TRIM3: variants seen among roughly 807,000 people sequenced by gnomAD.
TRIM3 encodes tripartite motif-containing protein 3.
In TRIM3, 13 loss-of-function variants were observed where a neutral mutation model predicts 66.6. The observed-to-expected ratio is 0.20, with a 90% CI of 0.13 to 0.31. TRIM3 has a LOEUF of 0.31. TRIM3 is among the 10% of genes least tolerant of loss of function. The pLI, the probability that TRIM3 is intolerant of heterozygous loss-of-function variation, is 1.00. For missense variants in TRIM3, 711 were observed against 1,020.4 expected (o/e 0.70, Z 4.13); for synonymous variants, 406 against 411.7 (o/e 0.99, Z 0.17).
chr11:6,449,681 T>C lies in TRIM3; in HGVS notation c.1942-235A>G. 2 of 462,108 alleles carry C rather than the reference T, an allele frequency of 4.3e-6. No homozygotes were observed. Among genetic ancestry groups the C allele is most frequent in the South Asian group, 8.0e-5 (2 of 24,914 alleles). 28.6% of individuals were successfully genotyped at this position (462,108 alleles called of 1,614,324 possible). A position where few individuals can be genotyped will look rare whatever the true frequency, so the allele number is the denominator to read the frequency against. On this transcript the variant is annotated intron_variant, in intron 10 of 11. Coordinates refer to ENST00000345851, the MANE Select transcript of TRIM3 (RefSeq NM_033278.4). This position sits in a 1 kb window ranked among gnomAD's most constrained non-coding sequence, Gnocchi z 5.3. ...CTCATTTTCTTTGGGAAATCAGTTC[T>C]CTTAGTTCTCTATCTCAATGACTGG... is the stretch of plus-strand genomic sequence containing the variant.
chr11:6,463,656 T>C (rs1233618191), intron 2 of TRIM3, among the ~76,000 whole-genome samples: 1 of 152,172 alleles, frequency 6.6e-6, no homozygotes, highest in Non-Finnish European at 1.5e-5. Flanking sequence ...TAGATATCTA[T>C]ATTGTATCGA....
chr11:6,450,046 C>T lies in TRIM3; in HGVS notation c.1941+505G>A, dbSNP rs773363944. ...ACACAAGCCTCACTCTCAGCTTTCA[C>T]GGTCCCCTCCTCAAGCTGAGTCTGA... On this transcript the variant is annotated intron_variant, in intron 10 of 11. Transcript: ENST00000345851. This position sits in a 1 kb window ranked among gnomAD's most constrained non-coding sequence, Gnocchi z 4.8. 6 of 159,206 alleles carry T rather than the reference C, an allele frequency of 3.8e-5. No homozygotes were observed. Among genetic ancestry groups the T allele is most frequent in the South Asian group, 1.9e-4 (1 of 5,374 alleles). The allele number at this position is 159,206 out of a possible 1,614,324, so 9.9% of individuals were successfully genotyped here.
At chr11:6,462,115 G>A (rs543759736) in intron 2 of TRIM3, among the ~76,000 whole-genome samples, 1 of 152,222 alleles carries the variant, frequency 6.6e-6, no homozygotes, top group South Asian at 2.1e-4. Context: ...TCAGAACTCA[G>A]GTCAAATGTC....
chr11:6,450,813 G>T lies in TRIM3; in HGVS notation c.1870+79C>A, dbSNP rs1194166324. ...CCAGAGCCAAGATATAGGAGGAGAG[G>T]GCCTTTACAGCTGGGGTATCTAGGG... On this transcript the variant is annotated intron_variant, in intron 9 of 11. Coordinates refer to ENST00000345851, the MANE Select transcript of TRIM3 (RefSeq NM_033278.4). This position sits in a 1 kb window ranked among gnomAD's most constrained non-coding sequence, Gnocchi z 4.8. 4 of 1,564,620 alleles carry T rather than the reference G, an allele frequency of 2.6e-6. No homozygotes were observed. The highest frequency in any genetic ancestry group is 1.7e-5 in the Admixed American group (1 of 58,726).
At chr11:6,462,713 G>A (rs2134205415) in intron 2 of TRIM3, among the ~76,000 whole-genome samples, 1 of 152,136 alleles carries the variant, frequency 6.6e-6, no homozygotes, top group Non-Finnish European at 1.5e-5. Context: ...CACCTGGCCA[G>A]AGATATTTCT....
rs1332209464 is a variant in TRIM3 at position 6,448,976 on chromosome 11, C to T, written c.*52G>A. On this transcript the variant is annotated 3_prime_UTR_variant, in exon 12 of 12. Coordinates refer to ENST00000345851, the MANE Select transcript of TRIM3 (RefSeq NM_033278.4). ...CCACCTCCCAGCCAGACCCTCTTGT[C>T]CAATCACCCCAATGTCTGTCCCTCC... The T allele has an allele frequency of 6.2e-7, 1 of 1,602,526 alleles. No homozygotes were observed. The highest frequency in any genetic ancestry group is 8.5e-7 in the Non-Finnish European group (1 of 1,170,730).
intron 7 of TRIM3, among the ~76,000 whole-genome samples, chr11:6,454,385 TC>T (rs1261928575): frequency 2.3e-4 from 11 of 46,826 alleles, no homozygotes; most frequent in African/African-American, 4.7e-4. Flanking sequence ...AGACCCTGTC[TC>T]AAAAAAAAAA....
intron 1 of TRIM3, among the ~76,000 whole-genome samples, chr11:6,468,805 C>T (rs541616612): frequency 1.3e-5 from 2 of 152,330 alleles, no homozygotes; most frequent in Admixed American, 1.3e-4. Flanking sequence ...AGGACCAGGT[C>T]ACCATTGTCT....
At chr11:6,462,504 C>G (rs1215398237) in intron 2 of TRIM3, among the ~76,000 whole-genome samples, 1 of 152,094 alleles carries the variant, frequency 6.6e-6, no homozygotes, top group Non-Finnish European at 1.5e-5. Context: ...ACCTCCCAGG[C>G]TCAAATGATC....
intron 7 of TRIM3, among the ~76,000 whole-genome samples, chr11:6,453,962 C>T (rs1849854373): frequency 6.6e-6 from 1 of 152,180 alleles, no homozygotes; most frequent in Admixed American, 6.5e-5. Context: ...GAGCCAGGCT[C>T]CTAGCAGTGG....
Position 6,450,863 on chromosome 11 carries a change from G to A in TRIM3, c.1870+29C>T, listed in dbSNP as rs1849690431. 1 of 1,612,936 alleles carries A rather than the reference G, an allele frequency of 6.2e-7. No individual in the cohort carries two copies. On this transcript the variant is annotated intron_variant, in intron 9 of 11. Transcript: ENST00000345851. This position sits in a 1 kb window ranked among gnomAD's most constrained non-coding sequence, Gnocchi z 4.8. Reference sequence around the variant, plus strand: ...GGAGTTCTCTGGAACAGGGGTATCAGCATAGATCTTGGAGCTGTCCCCCTA... The same window carrying A: ...GGAGTTCTCTGGAACAGGGGTATCAACATAGATCTTGGAGCTGTCCCCCTA...
chr11:6,464,856 G>A lies in TRIM3; in HGVS notation c.131+709C>T, dbSNP rs545204389. Among the ~76,000 whole-genome samples, 247 of 152,064 alleles carry A rather than the reference G, an allele frequency of 1.6e-3. 2 individuals carry two copies. The highest frequency in any genetic ancestry group is 5.6e-3 in the African/African-American group (233 of 41,490). The stretch of plus-strand genomic sequence containing the variant: ...CAAAAAGTTAGCTGGGCGTGGCGGC[G>A]TGCGCCTGTAGTCCCAGCTACTCCG... On this transcript the variant is annotated intron_variant, in intron 2 of 11. Transcript: ENST00000345851.
intron 2 of TRIM3, among the ~76,000 whole-genome samples, chr11:6,459,704 T>C (rs1850140505): frequency 6.6e-6 from 1 of 152,066 alleles, no homozygotes; most frequent in Non-Finnish European, 1.5e-5. Context: ...GAGAAGTGTT[T>C]AAGAAGGAGG....
chr11:6,455,663 A>G (rs1004548579), intron 7 of TRIM3, among the ~76,000 whole-genome samples: 1 of 152,128 alleles, frequency 6.6e-6, no homozygotes, highest in Non-Finnish European at 1.5e-5. Flanking sequence ...CAGACAGACT[A>G]CATACATTCA....
At position 6,458,924 on chromosome 11, in the gene TRIM3, T is replaced by G. The variant is rs1015618295; in HGVS notation, c.132-628A>C. ...CAGACTTCACAGAGTGTTAGAGGAT[T>G]ACATGTAAAGTACTTACTTATATTT... On this transcript the variant is annotated intron_variant, in intron 2 of 11. Transcript: ENST00000345851. The surrounding 1 kb of genome is among the most constrained non-coding windows in gnomAD (Gnocchi z 6.2). Among the ~76,000 whole-genome samples the G allele has an allele frequency of 6.6e-6, 1 of 152,216 alleles. No individual in the cohort carries two copies. Among genetic ancestry groups the G allele is most frequent in the Admixed American group, 6.5e-5 (1 of 15,282 alleles).
At position 6,449,387 on chromosome 11, in the gene TRIM3, C is replaced by A. The variant is rs771149059; in HGVS notation, c.2001G>T (p.Gly667=). The stretch of plus-strand genomic sequence containing the variant: ...CTACTCCTGTGGGGGCATTGAACTG[C>A]CCATTGCCCTCGCCATGGGAGCCAA... ...FKFGSHGEGN[G]QFNAPTGVAV... Residue 667 remains glycine, a synonymous_variant, in exon 11 of 12, where the codon GGG becomes GGT. Transcript: ENST00000345851. The surrounding 1 kb of genome is among the most constrained non-coding windows in gnomAD (Gnocchi z 5.3). 1 of 1,613,936 alleles carries A rather than the reference C, an allele frequency of 6.2e-7. No individual in the cohort carries two copies. Among genetic ancestry groups the A allele is most frequent in the African/African-American group, 1.3e-5 (1 of 74,904 alleles).
Position 6,458,212 on chromosome 11 carries a change from G to A in TRIM3, c.216C>T (p.Gly72=), listed in dbSNP as rs748914270. The part of the protein sequence containing the change: ...CRQTSILPEQ[G]VSALQNNFFI... ...AGAAGTTGTTCTGCAGTGCCGAGAC[G>A]CCCTGCTCTGGGAGGATGGACGTCT... Residue 72 remains glycine, a synonymous_variant, in exon 3 of 12, where the codon GGC becomes GGT. Transcript: ENST00000345851. This position sits in a 1 kb window ranked among gnomAD's most constrained non-coding sequence, Gnocchi z 6.2. 8.7e-6 allele frequency: 14 copies of A among 1,614,232 alleles called. No homozygotes were observed. The highest frequency in any genetic ancestry group is 2.2e-5 in the South Asian group (2 of 91,092).
rs764491038 is a variant in TRIM3 at position 6,456,187 on chromosome 11, G to A, written c.1430-12C>T. The A allele has an allele frequency of 2.5e-6, 4 of 1,613,758 alleles. No individual in the cohort carries two copies. In the South Asian group the frequency reaches 4.4e-5, roughly 18 times the overall value. On this transcript the variant is annotated splice_polypyrimidine_tract_variant and intron_variant, in intron 6 of 11. Transcript: ENST00000345851. This position sits in a 1 kb window ranked among gnomAD's most constrained non-coding sequence, Gnocchi z 6.4. ...CCTTCCACGACTGCCTGTGGGAAGG[G>A]ACAGGAGGGAAAACAAAATAATTCA... is the stretch of plus-strand genomic sequence containing the variant.
chr11:6,466,708 G>C (rs1427105313), intron 1 of TRIM3, among the ~76,000 whole-genome samples: 1 of 150,670 alleles, frequency 6.6e-6, no homozygotes, highest in African/African-American at 2.4e-5. Context: ...TTTCCTGGCT[G>C]ATGTGACACC....
Sources: allele counts gnomAD v4.1 joint callset (sites outside exome capture counted in the v4.1 genomes callset), GRCh38; gene constraint gnomAD v4.1.1; non-coding constraint Gnocchi (gnomAD v3.1); transcripts MANE v1.5; gene names NCBI Gene and HGNC (gene_info 2026-07-23, HGNC 2026-07-21).